The following ARIH1 variants were observed in gnomAD, a reference collection of about 807,000 sequenced individuals.
ARIH1 encodes the protein ariadne RBR E3 ubiquitin protein ligase 1.
A neutral mutation model predicts 85.0 loss-of-function variants in ARIH1; 8 were observed. The ratio of observed to expected loss-of-function variants is 0.09; its 90% CI spans 0.06 to 0.17. The LOEUF is 0.17. Among genes scored for constraint, ARIH1 ranks in the 10% least tolerant of loss-of-function variants. The pLI is 1.00. For synonymous variants in ARIH1, 238 were observed against 253.6 expected (o/e 0.94, Z 0.59); for missense variants, 311 against 718.1 (o/e 0.43, Z 6.48).
Position 72,588,293 on chromosome 15 carries a change from AGTCTT to A in ARIH1, c.*5003_*5007del, listed in dbSNP as rs2064326434. The A allele has an allele frequency of 6.6e-6, 1 of 152,156 alleles. No homozygotes were observed. The highest frequency in any genetic ancestry group is 2.4e-5 in the African/African-American group (1 of 41,432). The allele number at this position is 152,156 out of a possible 1,614,324, so 9.4% of individuals were successfully genotyped here. A position where few individuals can be genotyped will look rare whatever the true frequency, so the allele number is the denominator to read the frequency against. On this transcript the variant is annotated 3_prime_UTR_variant, in exon 14 of 14. Coordinates refer to ENST00000379887, the MANE Select transcript of ARIH1 (RefSeq NM_005744.5). ...CAGTTTTTTTTTCCCAGCTTCTACTAGTCTTGGCTTGCAACAATGCCACTGTCCAT... is the reference window on the plus strand; with the variant it reads ...CAGTTTTTTTTTCCCAGCTTCTACTAGGCTTGCAACAATGCCACTGTCCAT...
chr15:72,484,202 A>G (rs1358518490), intron 1 of ARIH1, among the ~76,000 whole-genome samples: 3 of 151,898 alleles, frequency 2.0e-5, no homozygotes, highest in Non-Finnish European at 2.9e-5. Flanking sequence ...AGAAAAGAAA[A>G]GAAAATTGTA....
chr15:72,495,450 A>T (rs139422854), intron 1 of ARIH1, among the ~76,000 whole-genome samples: 1 of 152,294 alleles, frequency 6.6e-6, no homozygotes, highest in Admixed American at 6.5e-5. Context: ...TCTTTTGGTC[A>T]AGGATCATGG....
At chr15:72,517,480 A>G (rs916831528) in intron 1 of ARIH1, among the ~76,000 whole-genome samples, 1 of 151,648 alleles carries the variant, frequency 6.6e-6, no homozygotes, top group East Asian at 1.9e-4. Flanking sequence ...GCTGGAGTGC[A>G]GTGGTGGGAT....
rs551988714 is a variant in ARIH1, at chr15:72,505,654, T to C, written c.376-12413T>C. Among the ~76,000 whole-genome samples, 148 of 152,212 alleles carry C rather than the reference T, an allele frequency of 9.7e-4. 2 individuals are homozygous for C. The highest frequency in any genetic ancestry group is 1.9e-3 in the Non-Finnish European group (129 of 68,032). On this transcript the variant is annotated intron_variant, in intron 1 of 13. Transcript: ENST00000379887. ...TAAATTTTGATCACTTCTGCCAAACTACCCTCAGAAAAGGTTTGACCAAAG... is the reference window on the plus strand; with the variant it reads ...TAAATTTTGATCACTTCTGCCAAACCACCCTCAGAAAAGGTTTGACCAAAG...
At chr15:72,579,990 A>G (rs2064288924) in intron 11 of ARIH1, among the ~76,000 whole-genome samples, 1 of 152,138 alleles carries the variant, frequency 6.6e-6, no homozygotes, top group African/African-American at 2.4e-5. Flanking sequence ...ATTATTGACT[A>G]TATTCACCCT....
intron 1 of ARIH1, among the ~76,000 whole-genome samples, chr15:72,506,578 C>T (rs983081778): frequency 6.6e-6 from 1 of 151,798 alleles, no homozygotes; most frequent in African/African-American, 2.4e-5. Context: ...TGTTTTTATA[C>T]TTTGTGACTT....
chr15:72,474,700 G>A lies in ARIH1; in HGVS notation c.61G>A (p.Asp21Asn). ...CGAGGACGAGGAGTGCAGTGAGGAG[G>A]ACAGCGGCGCCGAGGAGGAGGAGGA... ...FDEDEECSEE[D>N]SGAEEEEDED... Residue 21 changes from aspartate to asparagine, a missense_variant, in exon 1 of 14, where the codon GAC (aspartate) becomes AAC (asparagine). Coordinates refer to ENST00000379887, the MANE Select transcript of ARIH1 (RefSeq NM_005744.5). 6.4e-7 allele frequency: 1 copy of A among 1,570,076 alleles called. No individual in the cohort carries two copies. The highest frequency in any genetic ancestry group is 8.6e-7 in the Non-Finnish European group (1 of 1,159,824).
Position 72,587,339 on chromosome 15 carries a change from T to TATTA in ARIH1, c.*4048_*4051dup, listed in dbSNP as rs1491051511. ...TGTACTTTTAAACCACATTAAAGACTATTATAAATGCCTATCACTGCTACT... is the reference window on the plus strand; with the variant it reads ...TGTACTTTTAAACCACATTAAAGACTATTAATTATAAATGCCTATCACTGCTACT... On this transcript the variant is annotated 3_prime_UTR_variant, in exon 14 of 14. Coordinates refer to ENST00000379887, the MANE Select transcript of ARIH1 (RefSeq NM_005744.5). 3 of 484,796 alleles carry TATTA rather than the reference T, an allele frequency of 6.2e-6. No individual in the cohort carries two copies. Among genetic ancestry groups the TATTA allele is most frequent in the Non-Finnish European group, 4.3e-6 (1 of 233,126 alleles). 30.0% of individuals were successfully genotyped at this position (484,796 alleles called of 1,614,324 possible).
intron 1 of ARIH1, among the ~76,000 whole-genome samples, chr15:72,510,720 G>A (rs1378211340): frequency 1.1e-5 from 1 of 88,804 alleles, no homozygotes; most frequent in Non-Finnish European, 2.0e-5. Context: ...CTGGGCAACA[G>A]AGCAAGACTC....
chr15:72,487,388 A>G (rs1431980713), intron 1 of ARIH1, among the ~76,000 whole-genome samples: 9 of 152,188 alleles, frequency 5.9e-5, no homozygotes, highest in Admixed American at 5.9e-4. Context: ...ACAATTGTAC[A>G]GTGTTTTTAG....
At chr15:72,555,966 AT>A in intron 5 of ARIH1, 59 bp downstream of exon 5, 3 of 1,446,638 alleles carry the variant, frequency 2.1e-6, no homozygotes, top group Non-Finnish European at 2.9e-6. Flanking sequence ...AACCAAATTA[AT>A]TTTTACTTAG....
At chr15:72,475,195 T>G in intron 1 of ARIH1, 181 bp downstream of exon 1, 1 of 1,305,082 alleles carries the variant, frequency 7.7e-7, no homozygotes, top group East Asian at 3.2e-5. Context: ...GTTCGCCGAT[T>G]AGCCGGGTGT....
At position 72,588,031 on chromosome 15, in the gene ARIH1, A is replaced by G. The variant is rs2064325063; in HGVS notation, c.*4739A>G. The stretch of plus-strand genomic sequence containing the variant: ...GGTAGGAGCCAGTTAAAGTTTGTAT[A>G]TCAGTCACACATTGATATGTAGCAG... On this transcript the variant is annotated 3_prime_UTR_variant, in exon 14 of 14. Transcript: ENST00000379887. 1.3e-5 allele frequency: 2 copies of G among 152,200 alleles called. No individual in the cohort carries two copies. The highest frequency in any genetic ancestry group is 2.1e-4 in the South Asian group (1 of 4,830). 9.4% of individuals were successfully genotyped at this position (152,200 alleles called of 1,614,324 possible).
At chr15:72,518,786 CAA>C (rs1207137942) in intron 2 of ARIH1, among the ~76,000 whole-genome samples, 68 of 92,124 alleles carry the variant, frequency 7.4e-4, no homozygotes, top group Admixed American at 1.4e-3. Context: ...GACTCTATCT[CAA>C]AAAAAAAAAA....
Position 72,582,724 on chromosome 15 carries a change from C to G in ARIH1, c.1590-484C>G, listed in dbSNP as rs2064299809. Among the ~76,000 whole-genome samples, 1 of 152,010 alleles carries G rather than the reference C, an allele frequency of 6.6e-6. No individual in the cohort carries two copies. Among genetic ancestry groups the G allele is most frequent in the Non-Finnish European group, 1.5e-5 (1 of 68,006 alleles). ...GCTCTTTCTCCCAAAGTGACAAATG[C>G]TAGTGTCTTTTGAAAGTTGTAGGAA... On this transcript the variant is annotated intron_variant, in intron 13 of 13. Transcript: ENST00000379887. The surrounding 1 kb of genome is among the most constrained non-coding windows in gnomAD (Gnocchi z 4.6).
intron 12 of ARIH1, 93 bp from the exon 13 acceptor site, chr15:72,581,982 T>C (rs2064296998): frequency 1.3e-6 from 1 of 744,994 alleles, no homozygotes; most frequent in Non-Finnish European, 2.3e-6. Flanking sequence ...ACAGAATGAG[T>C]GTTGAGAGCA....
At chr15:72,533,331 T>C (rs1298611948) in intron 2 of ARIH1, among the ~76,000 whole-genome samples, 1 of 152,166 alleles carries the variant, frequency 6.6e-6, no homozygotes, top group East Asian at 1.9e-4. Flanking sequence ...GGTTTCACCA[T>C]GTTGGCCAGG....
intron 1 of ARIH1, among the ~76,000 whole-genome samples, chr15:72,515,272 G>A (rs145756217): frequency 0.017 from 2,534 of 152,290 alleles, 35 homozygotes; most frequent in Non-Finnish European, 0.027. Context: ...GGGAGGTGGA[G>A]GTTGTGGGAG....
At chr15:72,574,370 TG>T (rs1403970743) in intron 11 of ARIH1, among the ~76,000 whole-genome samples, 2 of 152,236 alleles carry the variant, frequency 1.3e-5, no homozygotes, top group African/African-American at 4.8e-5. Context: ...CACGCCTCCC[TG>T]AAAGGATCAC....
Sources: allele counts gnomAD v4.1 joint callset (sites outside exome capture counted in the v4.1 genomes callset), GRCh38; gene constraint gnomAD v4.1.1; non-coding constraint Gnocchi (gnomAD v3.1); transcripts MANE v1.5; gene names NCBI Gene and HGNC (gene_info 2026-07-23, HGNC 2026-07-21).